TRIM33: variants seen among roughly 807,000 people sequenced by gnomAD.
TRIM33 encodes the protein tripartite motif containing 33.
Under a neutral mutation model 125.4 loss-of-function variants are expected in TRIM33, and 20 were observed. That is an observed-to-expected ratio of 0.16 (90% CI 0.11 to 0.23). The LOEUF (loss-of-function observed/expected upper bound fraction) is 0.23. Ranked by LOEUF, TRIM33 falls within the 10% of genes least tolerant of loss-of-function variation. TRIM33 has a pLI of 1.00. For missense variants in TRIM33, 920 were observed against 1,411.4 expected (o/e 0.65, Z 5.58); for synonymous variants, 564 against 513.9 (o/e 1.10, Z -1.32).
At chr1:114,430,098 A>G (rs1647847538) in intron 6 of TRIM33, among the ~76,000 whole-genome samples, 1 of 152,030 alleles carries the variant, frequency 6.6e-6, no homozygotes, top group South Asian at 2.1e-4. Flanking sequence ...AAATAAGGTA[A>G]AATACACAAA....
At chr1:114,508,104 G>C (rs1364663445) in intron 1 of TRIM33, among the ~76,000 whole-genome samples, 1 of 152,086 alleles carries the variant, frequency 6.6e-6, no homozygotes, top group Non-Finnish European at 1.5e-5. Context: ...GCAACAGAGC[G>C]AGACTGTCTC....
chr1:114,402,669 T>C (rs1008880738), intron 16 of TRIM33, 91 bp downstream of exon 16: 2 of 1,397,798 alleles, frequency 1.4e-6, no homozygotes, highest in Non-Finnish European at 1.9e-6. Context: ...TGTTATCAGG[T>C]TTTGTGTATG....
chr1:114,460,314 A>C (rs1269553636), intron 4 of TRIM33: 2 of 160,406 alleles, frequency 1.2e-5, no homozygotes, highest in African/African-American at 4.8e-5. Flanking sequence ...CCAAGTAAGA[A>C]AGGAAAAGGC....
intron 10 of TRIM33, among the ~76,000 whole-genome samples, chr1:114,423,190 T>C (rs6537827): frequency 0.35 from 53,608 of 152,016 alleles, 10,136 homozygotes; most frequent in African/African-American, 0.46. Context: ...AACGATAATT[T>C]GGTCCACAGA....
At position 114,424,592 on chromosome 1, in the gene TRIM33, T is replaced by C; in HGVS notation, c.1859A>G (p.Gln620Arg). 6.4e-7 allele frequency: 1 copy of C among 1,569,560 alleles called. No homozygotes were observed. Among genetic ancestry groups the C allele is most frequent in the Admixed American group, 2.0e-5 (1 of 48,976 alleles). The change falls in exon 10 of 20, where the codon CAA becomes CGA. Residue 620 changes from glutamine (Q) to arginine (R), a missense_variant and splice_region_variant. Gln to Arg is a conservative substitution (Grantham distance 43). This residue lies in a region of TRIM33 where 407 missense variants were observed against 589.7 expected (regional missense o/e 0.69). Coordinates refer to ENST00000358465, the MANE Select transcript of TRIM33 (RefSeq NM_015906.4). ...TTACAAATGTAACTCTAGGCATACT[T>C]GTCTTTGGAGGTGTGGCTGCATCAT... ...YSMMQPHLQR[Q>R]HSNPGHAGPF...
At chr1:114,425,362 T>C (rs1241969756) in intron 9 of TRIM33, 87 bp downstream of exon 9, 3 of 1,517,462 alleles carry the variant, frequency 2.0e-6, no homozygotes, top group East Asian at 4.5e-5. Flanking sequence ...CTAGTAACTT[T>C]GAAATGTGTA....
At position 114,397,108 on chromosome 1, in the gene TRIM33, G is replaced by GA. The variant is rs144710406; in HGVS notation, c.*539dup. ...CTAAGACCCAACAGCATAAAAATGA[G>GA]AAAAAACATAATGGCATGATTCAAT... On this transcript the variant is annotated 3_prime_UTR_variant, in exon 20 of 20. Transcript: ENST00000358465. 0.059 allele frequency: 13,161 copies of GA among 223,958 alleles called. 450 individuals carry two copies. The highest frequency in any genetic ancestry group is 0.085 in the African/African-American group (3,822 of 44,832). The allele number at this position is 223,958 out of a possible 1,614,324, so 13.9% of individuals were successfully genotyped here.
intron 4 of TRIM33, among the ~76,000 whole-genome samples, chr1:114,449,180 A>G (rs1649169372): frequency 6.6e-6 from 1 of 152,172 alleles, no homozygotes; most frequent in Non-Finnish European, 1.5e-5. Flanking sequence ...AACAGTAAAA[A>G]GACGTATCTC....
At chr1:114,498,195 A>C (rs1457820168) in intron 1 of TRIM33, among the ~76,000 whole-genome samples, 1 of 152,078 alleles carries the variant, frequency 6.6e-6, no homozygotes, top group East Asian at 1.9e-4. Context: ...GTATACCTGA[A>C]ATGTTTCAAA....
chr1:114,448,938 G>A (rs2092510), intron 4 of TRIM33, among the ~76,000 whole-genome samples: 4 of 152,022 alleles, frequency 2.6e-5, no homozygotes, highest in African/African-American at 7.3e-5. Flanking sequence ...GGAGGTCAAA[G>A]AACACAAAGA....
chr1:114,412,088 T>A (rs1652628602), intron 11 of TRIM33, among the ~76,000 whole-genome samples: 2 of 152,114 alleles, frequency 1.3e-5, no homozygotes, highest in African/African-American at 2.4e-5. Context: ...AAAATAAAGT[T>A]AACAATAATG....
At chr1:114,507,977 C>G (rs1331093084) in intron 1 of TRIM33, among the ~76,000 whole-genome samples, 4 of 151,986 alleles carry the variant, frequency 2.6e-5, no homozygotes, top group Non-Finnish European at 4.4e-5. Context: ...ATTAGCCAGG[C>G]GTGGTGATAT....
At chr1:114,499,693 G>A (rs1181595957) in intron 1 of TRIM33, among the ~76,000 whole-genome samples, 1 of 152,150 alleles carries the variant, frequency 6.6e-6, no homozygotes. Context: ...CCTAAAACCA[G>A]TCTGGCAGAT....
chr1:114,508,122 A>G (rs1264678209), intron 1 of TRIM33, among the ~76,000 whole-genome samples: 1 of 152,108 alleles, frequency 6.6e-6, no homozygotes, highest in Non-Finnish European at 1.5e-5. Context: ...CTCAAAAAAA[A>G]ATTTTTTTTA....
At chr1:114,499,232 C>T (rs1652563713) in intron 1 of TRIM33, among the ~76,000 whole-genome samples, 1 of 152,138 alleles carries the variant, frequency 6.6e-6, no homozygotes, top group South Asian at 2.1e-4. Context: ...CTCTTAGTGA[C>T]TCTTCTTTAG....
At chr1:114,474,040 G>A (rs1265496820) in intron 1 of TRIM33, among the ~76,000 whole-genome samples, 3 of 151,792 alleles carry the variant, frequency 2.0e-5, no homozygotes, top group African/African-American at 2.4e-5. Flanking sequence ...TTAGGACTAC[G>A]GGCATACACC....
intron 1 of TRIM33, among the ~76,000 whole-genome samples, chr1:114,479,567 A>C (rs1651173731): frequency 6.6e-6 from 1 of 152,200 alleles, no homozygotes; most frequent in East Asian, 1.9e-4. Flanking sequence ...CAGGTAAACA[A>C]AATTTGAGAG....
chr1:114,422,561 C>T (rs1042375776), intron 10 of TRIM33, among the ~76,000 whole-genome samples: 1 of 151,950 alleles, frequency 6.6e-6, no homozygotes, highest in South Asian at 2.1e-4. Flanking sequence ...CCACCACTTT[C>T]GCAACTGCCC....
chr1:114,420,098 T>A (rs529410900), intron 11 of TRIM33, among the ~76,000 whole-genome samples: 1 of 152,340 alleles, frequency 6.6e-6, no homozygotes, highest in Admixed American at 6.5e-5. Context: ...CTAAATTCAG[T>A]ATAACGCTGG....
Sources: gnomAD v4.1 joint callset for allele counts (sites outside exome capture counted in the v4.1 genomes callset) on GRCh38, gnomAD v4.1.1 for gene constraint, gnomAD v4.1.1 regional missense constraint, MANE v1.5 for transcripts, NCBI Gene and HGNC (gene_info 2026-07-23, HGNC 2026-07-21) for gene names.